Variants in TSHZ3 observed in about 807,000 individuals in gnomAD.
TSHZ3 encodes teashirt homolog 3.
Under a neutral mutation model 64.5 loss-of-function variants are expected in TSHZ3, and 10 were observed. The observed-to-expected ratio is 0.16, with a 90% CI of 0.10 to 0.26. The LOEUF (loss-of-function observed/expected upper bound fraction) is 0.26, where lower values mean the gene tolerates loss of function less well. Among genes scored for constraint, TSHZ3 ranks in the 10% least tolerant of loss-of-function variants. The pLI is 1.00. For synonymous variants in TSHZ3, 608 were observed against 593.1 expected (o/e 1.03, Z -0.36); for missense variants, 1,242 against 1,421.7 (o/e 0.87, Z 2.03).
chr19:31,248,126 G>A (rs1975782526), intron 1 of TSHZ3, among the ~76,000 whole-genome samples: 1 of 152,066 alleles, frequency 6.6e-6, no homozygotes, highest in Admixed American at 6.6e-5. Flanking sequence ...AGAACAGTAT[G>A]GGGGAAACCT....
chr19:31,251,870 C>G (rs745916459), intron 1 of TSHZ3, among the ~76,000 whole-genome samples: 2 of 152,182 alleles, frequency 1.3e-5, no homozygotes, highest in Non-Finnish European at 2.9e-5. Context: ...CCCACTGCAG[C>G]GCTGATGCCG....
chr19:31,189,814 C>A (rs570797085), intron 5 of TSHZ3, among the ~76,000 whole-genome samples: 1 of 152,180 alleles, frequency 6.6e-6, no homozygotes, highest in South Asian at 2.1e-4. Context: ...ATTGGAATCT[C>A]CAGCCATAAC....
intron 4 of TSHZ3, among the ~76,000 whole-genome samples, chr19:31,215,431 T>C (rs1042669712): frequency 6.6e-6 from 1 of 152,086 alleles, no homozygotes; most frequent in Admixed American, 6.5e-5. Flanking sequence ...ACAAGAAATA[T>C]CCATGGTATA....
At chr19:31,263,187 G>A (rs777601118) in intron 1 of TSHZ3, among the ~76,000 whole-genome samples, 2 of 152,156 alleles carry the variant, frequency 1.3e-5, no homozygotes, top group African/African-American at 4.8e-5. Flanking sequence ...TGGAGGTCCC[G>A]GAGGACAGGG....
At chr19:31,337,822 C>T (rs960413350) in intron 1 of TSHZ3, among the ~76,000 whole-genome samples, 1 of 151,948 alleles carries the variant, frequency 6.6e-6, no homozygotes, top group Non-Finnish European at 1.5e-5. Flanking sequence ...CAGTTGCAGG[C>T]GTTTTACATG....
chr19:31,304,027 T>G (rs112218228), intron 1 of TSHZ3, among the ~76,000 whole-genome samples: 2,423 of 151,680 alleles, frequency 0.016, 71 homozygotes, highest in African/African-American at 0.057. Context: ...CAGCCTGGAG[T>G]GCAATAGTGC....
At chr19:31,215,534 A>G (rs1005155803) in intron 4 of TSHZ3, among the ~76,000 whole-genome samples, 3 of 152,238 alleles carry the variant, frequency 2.0e-5, no homozygotes, top group Admixed American at 1.3e-4. Flanking sequence ...TGTTGTTTTA[A>G]CCATAAAATA....
intron 1 of TSHZ3, among the ~76,000 whole-genome samples, chr19:31,309,108 G>C (rs1916380556): frequency 6.6e-6 from 1 of 152,244 alleles, no homozygotes; most frequent in African/African-American, 2.4e-5. Flanking sequence ...TTGGTGTGAA[G>C]ATGCACACCG....
intron 1 of TSHZ3, among the ~76,000 whole-genome samples, chr19:31,320,094 A>C (rs1916720425): frequency 6.6e-6 from 1 of 152,240 alleles, no homozygotes; most frequent in South Asian, 2.1e-4. Context: ...CATCTGATCT[A>C]TACAGAAACA....
chr19:31,234,506 C>A (rs2145178291), intron 3 of TSHZ3, among the ~76,000 whole-genome samples: 1 of 152,274 alleles, frequency 6.6e-6, no homozygotes, highest in South Asian at 2.1e-4. Flanking sequence ...ATGATGGTTG[C>A]TGTATGATTT....
intron 1 of TSHZ3, among the ~76,000 whole-genome samples, chr19:31,347,650 T>C (rs543734759): frequency 6.6e-6 from 1 of 152,268 alleles, no homozygotes; most frequent in South Asian, 2.1e-4. Context: ...GCAAGCTCCC[T>C]ACAATCACTC....
chr19:31,229,534 A>G (rs1975512620), intron 3 of TSHZ3, among the ~76,000 whole-genome samples: 1 of 152,350 alleles, frequency 6.6e-6, no homozygotes, highest in East Asian at 1.9e-4. Context: ...ATACAAATGA[A>G]CTAGAAGGAA....
At chr19:31,306,459 T>C (rs1306329129) in intron 1 of TSHZ3, among the ~76,000 whole-genome samples, 2 of 152,220 alleles carry the variant, frequency 1.3e-5, no homozygotes, top group Non-Finnish European at 2.9e-5. Flanking sequence ...TGTAAAACTT[T>C]TAAGAGCCAA....
intron 1 of TSHZ3, among the ~76,000 whole-genome samples, chr19:31,347,360 TAGAG>T (rs1185167706): frequency 1.3e-5 from 2 of 151,850 alleles, no homozygotes; most frequent in African/African-American, 2.4e-5. Context: ...AGAGATGAAC[TAGAG>T]AGAGAGTTCT....
chr19:31,305,193 C>T (rs1222977637), intron 1 of TSHZ3, among the ~76,000 whole-genome samples: 1 of 151,984 alleles, frequency 6.6e-6, no homozygotes, highest in Non-Finnish European at 1.5e-5. Context: ...CCACCCCCTC[C>T]ACACACACAC....
At chr19:31,239,674 T>C (rs1975664027) in intron 3 of TSHZ3, among the ~76,000 whole-genome samples, 1 of 152,076 alleles carries the variant, frequency 6.6e-6, no homozygotes. Context: ...CTCGACATTC[T>C]GGGCTCAAGT....
chr19:31,153,469 T>C (rs1974266271), intron 6 of TSHZ3, among the ~76,000 whole-genome samples: 1 of 152,242 alleles, frequency 6.6e-6, no homozygotes, highest in Non-Finnish European at 1.5e-5. Flanking sequence ...AGAAACTCTA[T>C]GATCATCAGA....
At chr19:31,291,876 G>A (rs146354002) in intron 1 of TSHZ3, among the ~76,000 whole-genome samples, 50 of 152,318 alleles carry the variant, frequency 3.3e-4, no homozygotes, top group Middle Eastern at 3.4e-3. Context: ...GCCCGGTGCT[G>A]GGCCCATATC....
chr19:31,314,324 C>T (rs1045269138), intron 1 of TSHZ3, among the ~76,000 whole-genome samples: 29 of 152,162 alleles, frequency 1.9e-4, no homozygotes, highest in African/African-American at 6.5e-4. Context: ...AGAGAGCGGG[C>T]GGCAGGGAGG....
Sources: gnomAD v4.1 joint callset for allele counts (sites outside exome capture counted in the v4.1 genomes callset) on GRCh38, gnomAD v4.1.1 for gene constraint, MANE v1.5 for transcripts, NCBI Gene and HGNC (gene_info 2026-07-23, HGNC 2026-07-21) for gene names.